The following LSS variants were observed in gnomAD, a reference collection of about 807,000 sequenced individuals.
LSS encodes the protein lanosterol synthase.
LSS carries 90 observed loss-of-function variants against 110.3 expected under a neutral mutation model. The ratio of observed to expected loss-of-function variants is 0.82; its 90% confidence interval spans 0.69 to 0.97. LSS has a LOEUF of 0.97. LSS is among the 50% of genes least tolerant of loss of function. LSS has a pLI of 0.00. For missense variants in LSS, 927 were observed against 990.0 expected (o/e 0.94, Z 0.85); for synonymous variants, 433 against 400.0 (o/e 1.08, Z -0.98).
chr21:46,227,634 G>C lies in LSS; in HGVS notation c.237C>G (p.Asn79Lys). 6.2e-7 allele frequency: 1 copy of C among 1,613,458 alleles called. No homozygotes were observed. The change falls in exon 3 of 22, where the codon AAC (asparagine) becomes AAG (lysine). Residue 79 changes from asparagine to lysine, a missense_variant. Asn to Lys is a moderately conservative substitution (Grantham distance 94). Transcript: ENST00000397728. ...GCAGCCCCACGTAAAATGTCATCCC[G>C]TTCAGAGCCCCCTCAAAGGCGGTGT... is the stretch of plus-strand genomic sequence containing the variant. ...KAHTAFEGAL[N>K]GMTFYVGLQA...
chr21:46,192,953 A>G (rs3902367), intron 20 of LSS: 23,242 of 113,130 alleles, frequency 0.21, 7,498 homozygotes, highest in African/African-American at 0.55. Flanking sequence ...ATGTCTGTGT[A>G]TGGCACAGAT....
intron 11 of LSS, among the ~76,000 whole-genome samples, chr21:46,212,513 C>T (rs1484168886): frequency 2.0e-5 from 3 of 152,252 alleles, no homozygotes; most frequent in African/African-American, 7.2e-5. Context: ...AGCCAGGATC[C>T]ACCGGCCTCC....
rs114783360 is a variant in LSS, at chr21:46,216,764, G to A, written c.648-240C>T. Reference sequence around the variant, plus strand: ...AGCATTTTGCATCCTAAAACCAGGTGATGGAGCTCCTAAATGCTTAGGATT... The same window carrying A: ...AGCATTTTGCATCCTAAAACCAGGTAATGGAGCTCCTAAATGCTTAGGATT... On this transcript the variant is annotated intron_variant, in intron 6 of 21. Coordinates refer to ENST00000397728, the MANE Select transcript of LSS (RefSeq NM_002340.6). This position sits in a 1 kb window ranked among gnomAD's most constrained non-coding sequence, Gnocchi z 4.2. Among the ~76,000 whole-genome samples the A allele has an allele frequency of 5.1e-3, 774 of 152,312 alleles. 6 individuals are homozygous for A. Among genetic ancestry groups the A allele is most frequent in the African/African-American group, 0.018 (739 of 41,558 alleles).
chr21:46,212,862 G>A (rs1005297341), intron 11 of LSS, among the ~76,000 whole-genome samples, 163 bp downstream of exon 11: 1 of 152,148 alleles, frequency 6.6e-6, no homozygotes, highest in African/African-American at 2.4e-5. Context: ...GAGACCAACA[G>A]CACCCACAGG....
chr21:46,215,151 GCAGT>G (rs745554509), intron 9 of LSS, 25 bp downstream of exon 9: 38 of 1,576,816 alleles, frequency 2.4e-5, no homozygotes, highest in Middle Eastern at 4.5e-4. Context: ...CCCAGGGGCT[GCAGT>G]CAGAGGCCGG....
chr21:46,221,578 G>A (rs561233262), intron 5 of LSS, among the ~76,000 whole-genome samples: 12 of 152,220 alleles, frequency 7.9e-5, no homozygotes, highest in Non-Finnish European at 1.0e-4. Flanking sequence ...GGCTGGCCTC[G>A]AACTCTTAGG....
chr21:46,222,273 C>A, intron 4 of LSS: 1 of 532,044 alleles, frequency 1.9e-6, no homozygotes, highest in Non-Finnish European at 3.4e-6. Context: ...GGCTCTGCTC[C>A]CAAAGTGTGT....
Position 46,188,473 on chromosome 21 carries a change from T to A in LSS, c.*2631A>T. 6.3e-6 allele frequency: 2 copies of A among 318,542 alleles called. No individual in the cohort carries two copies. Among genetic ancestry groups the A allele is most frequent in the South Asian group, 2.6e-5 (1 of 38,102 alleles). The allele number at this position is 318,542 out of a possible 1,614,324, so 19.7% of individuals were successfully genotyped here. A position where few individuals can be genotyped will look rare whatever the true frequency, so the allele number is the denominator to read the frequency against. The stretch of plus-strand genomic sequence containing the variant: ...TTTCATGACTGATTTTTAATCACAC[T>A]GAGGCAAATATCCCCCTCAGACAGA... On this transcript the variant is annotated 3_prime_UTR_variant, in exon 22 of 22. Transcript: ENST00000397728.
At position 46,198,064 on chromosome 21, in the gene LSS, G is replaced by A. The variant is rs1225825351; in HGVS notation, c.1671-1797C>T. Among the ~76,000 whole-genome samples the A allele has an allele frequency of 2.6e-5, 4 of 152,118 alleles. No homozygotes were observed. The East Asian group carries it at 7.7e-4, about 29-fold the overall frequency. The stretch of plus-strand genomic sequence containing the variant: ...ATCATCTCAAAGCAGACGGGAGTTT[G>A]AGACCAGCCTGGGCAACAGAGCAAG... On this transcript the variant is annotated intron_variant, in intron 17 of 21. Coordinates refer to ENST00000397728, the MANE Select transcript of LSS (RefSeq NM_002340.6).
At position 46,197,890 on chromosome 21, in the gene LSS, A is replaced by C. The variant is rs138804832; in HGVS notation, c.1671-1623T>G. ...GGAGACAGAGACTCTGTCTCAAAAA[A>C]AAAAAACAAAAAACAAAAAACAACT... On this transcript the variant is annotated intron_variant, in intron 17 of 21. Coordinates refer to ENST00000397728, the MANE Select transcript of LSS (RefSeq NM_002340.6). 7.8e-3 allele frequency among the ~76,000 whole-genome samples: 1,191 copies of C among 152,112 alleles called. 23 individuals carry two copies. The highest frequency in any genetic ancestry group is 0.025 in the African/African-American group (1,027 of 41,494).
chr21:46,196,221 C>A lies in LSS; in HGVS notation c.1717G>T (p.Ala573Ser). The A allele has an allele frequency of 6.2e-7, 1 of 1,614,150 alleles. No individual in the cohort carries two copies. Among genetic ancestry groups the A allele is most frequent in the South Asian group, 1.1e-5 (1 of 91,088 alleles). Reference sequence around the variant, plus strand: ...ACTCACCCTTCCCAGGAGCCATCGGCCCTCTGCTGCCGCCGACAGAACTCT... The same window carrying A: ...ACTCACCCTTCCCAGGAGCCATCGGACCTCTGCTGCCGCCGACAGAACTCT... ...GLEFCRRQQR[A>S]DGSWEGSWGV... The change falls in exon 18 of 22, where the codon GCC (alanine) becomes TCC (serine). Residue 573 changes from alanine (A) to serine (S), a missense_variant. Coordinates refer to ENST00000397728, the MANE Select transcript of LSS (RefSeq NM_002340.6).
chr21:46,194,348 G>T (rs1046947291), intron 20 of LSS, 143 bp downstream of exon 20: 11 of 957,666 alleles, frequency 1.1e-5, no homozygotes, highest in Non-Finnish European at 1.5e-5. Flanking sequence ...GCTCTTGTAG[G>T]TGTCTGTTCC....
rs767282947 is a variant in LSS, at chr21:46,215,748, T to G, written c.829A>C (p.Arg277=). 12 of 1,612,738 alleles carry G rather than the reference T, an allele frequency of 7.4e-6. 1 individual carries two copies. Among genetic ancestry groups the G allele is most frequent in the Middle Eastern group, 1.7e-4 (1 of 6,052 alleles). ...DFASIDWLAQ[R]NNVAPDELYT... ...AGCTCGTCGGGGGCCACGTTGTTCC[T>G]CTGCGCCAGCCAGTCAATGCTGGCG... Residue 277 remains arginine, a synonymous_variant, in exon 8 of 22, where the codon AGG becomes CGG. Transcript: ENST00000397728.
Position 46,213,722 on chromosome 21 carries a change from T to C in LSS, c.1109+16A>G, listed in dbSNP as rs1349721289. 1.2e-6 allele frequency: 2 copies of C among 1,609,590 alleles called. No individual in the cohort carries two copies. Among genetic ancestry groups the C allele is most frequent in the Admixed American group, 3.3e-5 (2 of 59,744 alleles). On this transcript the variant is annotated intron_variant, in intron 10 of 21. Transcript: ENST00000397728. The stretch of plus-strand genomic sequence containing the variant: ...CTTCGTGAGAGGCCCCGCCAGCATA[T>C]CCCAGCCACACTCACCAGAGATAGT...
Position 46,189,515 on chromosome 21 carries a change from G to C in LSS, c.*1589C>G, listed in dbSNP as rs2079774204. 2.7e-6 allele frequency: 1 copy of C among 376,120 alleles called. No homozygotes were observed. Among genetic ancestry groups the C allele is most frequent in the South Asian group, 2.0e-5 (1 of 51,012 alleles). 23.3% of individuals were successfully genotyped at this position (376,120 alleles called of 1,614,324 possible). A position where few individuals can be genotyped will look rare whatever the true frequency, so the allele number is the denominator to read the frequency against. The stretch of plus-strand genomic sequence containing the variant: ...TCTGAGCAGGCAGGCGAGTCCCAAG[G>C]AGAGTCAGTGACAGCACATGGGGCA... On this transcript the variant is annotated 3_prime_UTR_variant, in exon 22 of 22. Coordinates refer to ENST00000397728, the MANE Select transcript of LSS (RefSeq NM_002340.6).
chr21:46,215,581 G>A, intron 8 of LSS, 104 bp downstream of exon 8: 2 of 774,232 alleles, frequency 2.6e-6, no homozygotes, highest in African/African-American at 1.8e-5. Context: ...CTGGCACAGA[G>A]GAGGTGGCCC....
intron 9 of LSS, among the ~76,000 whole-genome samples, chr21:46,214,948 G>A (rs536505576): frequency 0.061 from 9,292 of 152,186 alleles, 341 homozygotes; most frequent in Middle Eastern, 0.095. Flanking sequence ...AAGAGCCGGT[G>A]GGGGACGGAA....
chr21:46,209,412 G>A lies in LSS; in HGVS notation c.1266+142C>T. 1 of 721,894 alleles carries A rather than the reference G, an allele frequency of 1.4e-6. No individual in the cohort carries two copies. Among genetic ancestry groups the A allele is most frequent in the Non-Finnish European group, 2.2e-6 (1 of 446,052 alleles). 44.7% of individuals were successfully genotyped at this position (721,894 alleles called of 1,614,324 possible). The stretch of plus-strand genomic sequence containing the variant: ...GGTGGATGGAGCAGGGGCTAGGGAG[G>A]GGATGGGAGGGTGGGGGTGACCTGA... On this transcript the variant is annotated intron_variant, in intron 13 of 21. Coordinates refer to ENST00000397728, the MANE Select transcript of LSS (RefSeq NM_002340.6). This position sits in a 1 kb window ranked among gnomAD's most constrained non-coding sequence, Gnocchi z 4.4.
chr21:46,206,646 C>A, intron 16 of LSS, 26 bp downstream of exon 16: 1 of 1,591,868 alleles, frequency 6.3e-7, no homozygotes, highest in Non-Finnish European at 8.6e-7. Context: ...CGGGTTTGCG[C>A]GCCGCAGTGC....
Sources: gnomAD v4.1 joint callset for allele counts (sites outside exome capture counted in the v4.1 genomes callset) on GRCh38, gnomAD v4.1.1 for gene constraint, Gnocchi (gnomAD v3.1) non-coding constraint, MANE v1.5 for transcripts, NCBI Gene and HGNC (gene_info 2026-07-23, HGNC 2026-07-21) for gene names.